Variants in KIF3C observed in about 807,000 individuals in gnomAD.
KIF3C encodes the protein kinesin-like protein KIF3C.
Under a neutral mutation model 67.7 loss-of-function variants are expected in KIF3C, and 12 were observed. The observed-to-expected ratio is 0.18, with a 90% confidence interval of 0.11 to 0.29. The LOEUF (loss-of-function observed/expected upper bound fraction) is 0.29. Among genes scored for constraint, KIF3C ranks in the 10% least tolerant of loss-of-function variants. KIF3C has a pLI of 1.00. For missense variants in KIF3C, 789 were observed against 1,059.6 expected, an observed-to-expected ratio of 0.74 and a Z score of 3.55; for synonymous variants, 393 against 426.2, an observed-to-expected ratio of 0.92 and a Z score of 0.96.
intron 5 of KIF3C, among the ~76,000 whole-genome samples, chr2:25,949,366 G>A (rs1233021052): frequency 6.6e-6 from 1 of 151,968 alleles, no homozygotes; most frequent in Non-Finnish European, 1.5e-5. Flanking sequence ...TTCAGCCCAG[G>A]AGCTCGAGAT....
intron 7 of KIF3C, 77 bp from the exon 8 acceptor site, chr2:25,929,148 C>T (rs1165941149): frequency 1.4e-5 from 20 of 1,437,260 alleles, no homozygotes; most frequent in Non-Finnish European, 1.7e-5. Context: ...TCTCCTTTGC[C>T]CCATCCTGTT....
At position 25,980,966 on chromosome 2, in the gene KIF3C, G is replaced by A; in HGVS notation, c.952C>T (p.Arg318Trp). The A allele has an allele frequency of 2.5e-6, 4 of 1,614,148 alleles. No homozygotes were observed. The highest frequency in any genetic ancestry group is 3.4e-6 in the Non-Finnish European group (4 of 1,180,002). ...AGNRSTHIPYRDSKLTRLLQD... is the reference protein window; with the variant it reads ...AGNRSTHIPYWDSKLTRLLQD... Reference sequence around the variant, plus strand: ...AGCAGCCGGGTCAGCTTGGAGTCCCGGTAGGGAATGTGGGTGCTCCTGTTG... The same window carrying A: ...AGCAGCCGGGTCAGCTTGGAGTCCCAGTAGGGAATGTGGGTGCTCCTGTTG... The change falls in exon 1 of 8, where the codon CGG becomes TGG. Residue 318 changes from arginine (R) to tryptophan (W), a missense_variant. By Grantham distance (101) the Arg-to-Trp change is moderately radical (BLOSUM62 -3). This residue lies in a region of KIF3C where 648 missense variants were observed against 807.8 expected (regional missense o/e 0.80). Transcript: ENST00000264712. This position sits in a 1 kb window ranked among gnomAD's most constrained non-coding sequence, Gnocchi z 7.6.
At chr2:25,963,210 T>A (rs1664052164) in intron 1 of KIF3C, among the ~76,000 whole-genome samples, 2 of 95,646 alleles carry the variant, frequency 2.1e-5, no homozygotes, top group African/African-American at 8.9e-5. Context: ...TTTTTTTTTT[T>A]TTTTTTTTTT....
chr2:25,962,063 C>A (rs1663958322), intron 1 of KIF3C, among the ~76,000 whole-genome samples: 1 of 152,176 alleles, frequency 6.6e-6, no homozygotes, highest in Non-Finnish European at 1.5e-5. Context: ...CTTTTCCAAT[C>A]CATCCTGGCA....
chr2:25,939,698 G>A (rs1448695576), intron 5 of KIF3C, among the ~76,000 whole-genome samples: 1 of 151,894 alleles, frequency 6.6e-6, no homozygotes, highest in Non-Finnish European at 1.5e-5. Flanking sequence ...ACACCTGTAA[G>A]CCCAGCACTT....
At chr2:25,936,043 C>A (rs967906794) in intron 5 of KIF3C, among the ~76,000 whole-genome samples, 1 of 151,506 alleles carries the variant, frequency 6.6e-6, no homozygotes, top group African/African-American at 2.4e-5. Context: ...GCCAACATCA[C>A]GCCACTACAC....
At position 25,948,598 on chromosome 2, in the gene KIF3C, G is replaced by T. The variant is rs1179063081; in HGVS notation, c.2006+3191C>A. On this transcript the variant is annotated intron_variant, in intron 5 of 7. Coordinates refer to ENST00000264712, the MANE Select transcript of KIF3C (RefSeq NM_002254.8). Reference sequence around the variant, plus strand: ...AAGAAAATAAAGAAAGGGAGAAAGAGAAAGAAAGAAAGAGAAAGAGAAAGA... The same window carrying T: ...AAGAAAATAAAGAAAGGGAGAAAGATAAAGAAAGAAAGAGAAAGAGAAAGA... Among the ~76,000 whole-genome samples, 11 of 145,962 alleles carry T rather than the reference G, an allele frequency of 7.5e-5. No individual in the cohort carries two copies. In the Admixed American group the frequency reaches 7.7e-4, roughly 10 times the overall value.
chr2:25,975,729 C>A (rs561456906), intron 1 of KIF3C, among the ~76,000 whole-genome samples: 1 of 151,924 alleles, frequency 6.6e-6, no homozygotes, highest in Non-Finnish European at 1.5e-5. Context: ...GAGGCTGAGG[C>A]GGGTGGATCA....
chr2:25,949,564 G>A (rs1663543030), intron 5 of KIF3C, among the ~76,000 whole-genome samples: 1 of 151,940 alleles, frequency 6.6e-6, no homozygotes, highest in South Asian at 2.1e-4. Flanking sequence ...AACAACAAAA[G>A]TTAATGCACA....
intron 5 of KIF3C, among the ~76,000 whole-genome samples, chr2:25,938,739 C>T (rs1379761725): frequency 2.0e-5 from 3 of 152,032 alleles, no homozygotes; most frequent in East Asian, 1.9e-4. Context: ...TTTGGCAGCC[C>T]GGAGCTGAGG....
intron 1 of KIF3C, among the ~76,000 whole-genome samples, chr2:25,971,334 G>A (rs1664279721): frequency 6.6e-6 from 1 of 151,516 alleles, no homozygotes; most frequent in South Asian, 2.1e-4. Context: ...CAGCTACTCA[G>A]GAGGCTGAGG....
chr2:25,969,723 TG>T (rs59939058), intron 1 of KIF3C, among the ~76,000 whole-genome samples: 28,859 of 146,930 alleles, frequency 0.2, 2,938 homozygotes, highest in African/African-American at 0.27. Flanking sequence ...GTTGGGTTTT[TG>T]TTTTTTTTTT....
intron 1 of KIF3C, among the ~76,000 whole-genome samples, chr2:25,962,952 AT>A (rs1316427491): frequency 3.0e-5 from 1 of 32,928 alleles, no homozygotes; most frequent in Non-Finnish European, 4.0e-5. Context: ...ATAATATATA[AT>A]ATATAATATA....
At chr2:25,952,794 G>A (rs1478722202) in intron 4 of KIF3C, among the ~76,000 whole-genome samples, 1 of 151,890 alleles carries the variant, frequency 6.6e-6, no homozygotes, top group Admixed American at 6.6e-5. Flanking sequence ...CCGACCTCAG[G>A]TGATCCACCT....
Position 25,928,657 on chromosome 2 carries a change from C to T in KIF3C, c.*321G>A. On this transcript the variant is annotated 3_prime_UTR_variant, in exon 8 of 8. Transcript: ENST00000264712. ...TACCTTCCCTTCTGGAGGCAGCTGA[C>T]AGGGGGACAAGCCTGAGATCTGACT... The T allele has an allele frequency of 4.8e-6, 1 of 208,392 alleles. No homozygotes were observed. Among genetic ancestry groups the T allele is most frequent in the Non-Finnish European group, 9.7e-6 (1 of 103,244 alleles). The allele number at this position is 208,392 out of a possible 1,614,324, so 12.9% of individuals were successfully genotyped here. A position where few individuals can be genotyped will look rare whatever the true frequency, so the allele number is the denominator to read the frequency against.
intron 1 of KIF3C, among the ~76,000 whole-genome samples, chr2:25,971,061 A>G (rs537045528): frequency 6.6e-6 from 1 of 151,770 alleles, no homozygotes; most frequent in Non-Finnish European, 1.5e-5. Flanking sequence ...TCACAAGGTC[A>G]GGAGATGGAG....
chr2:25,970,300 A>G (rs537304402), intron 1 of KIF3C, among the ~76,000 whole-genome samples: 1 of 152,328 alleles, frequency 6.6e-6, no homozygotes, highest in Non-Finnish European at 1.5e-5. Context: ...AATGTGCCTC[A>G]GTATCCTCAC....
At chr2:25,932,658 C>A (rs1191782575) in intron 5 of KIF3C, among the ~76,000 whole-genome samples, 1 of 150,038 alleles carries the variant, frequency 6.7e-6, no homozygotes, top group South Asian at 2.1e-4. Flanking sequence ...CATGGTGAAA[C>A]CCTGTCTTTA....
intron 5 of KIF3C, among the ~76,000 whole-genome samples, chr2:25,935,552 GGGT>G (rs1439135001): frequency 1.3e-5 from 2 of 152,002 alleles, no homozygotes; most frequent in African/African-American, 4.8e-5. Flanking sequence ...TTTTTTGACA[GGGT>G]CTCACTCTGT....
Sources: allele counts gnomAD v4.1 joint callset (sites outside exome capture counted in the v4.1 genomes callset), GRCh38; gene constraint gnomAD v4.1.1; regional missense constraint gnomAD v4.1.1; non-coding constraint Gnocchi (gnomAD v3.1); transcripts MANE v1.5; gene names NCBI Gene and HGNC (gene_info 2026-07-23, HGNC 2026-07-21).